Variants in CNOT6 observed in about 807,000 individuals in gnomAD.
The protein encoded by CNOT6 is carbon catabolite repression 4 protein.
Under a neutral mutation model 61.2 loss-of-function variants are expected in CNOT6, and 12 were observed. That is an observed-to-expected ratio of 0.20 (90% CI 0.13 to 0.32). The LOEUF (loss-of-function observed/expected upper bound fraction) is 0.32. Ranked by LOEUF, CNOT6 falls within the 10% of genes least tolerant of loss-of-function variation. The probability of loss-of-function intolerance (pLI) is 1.00; values close to 1 mark genes in which losing one functional copy is unlikely to be tolerated. For synonymous variants in CNOT6, 225 were observed against 240.6 expected (o/e 0.94, Z 0.60); for missense variants, 405 against 663.9 (o/e 0.61, Z 4.28).
intron 1 of CNOT6, among the ~76,000 whole-genome samples, chr5:180,503,750 C>T (rs1013495871): frequency 5.9e-5 from 9 of 151,598 alleles, no homozygotes; most frequent in Non-Finnish European, 5.9e-5. Flanking sequence ...GGACTACAGG[C>T]GTGCGCCACC....
chr5:180,558,275 A>C (rs1320315862), intron 4 of CNOT6, among the ~76,000 whole-genome samples: 1 of 152,130 alleles, frequency 6.6e-6, no homozygotes. Context: ...AGACAGACGC[A>C]TGGGAGGAGA....
intron 3 of CNOT6, among the ~76,000 whole-genome samples, chr5:180,551,053 G>T (rs564569930): frequency 3.3e-5 from 5 of 152,022 alleles, no homozygotes; most frequent in Non-Finnish European, 7.4e-5. Flanking sequence ...TTAAGAAATG[G>T]TAATTGCAGA....
At chr5:180,566,640 C>CTTTT (rs70973940) in intron 7 of CNOT6, among the ~76,000 whole-genome samples, 1 of 75,592 alleles carries the variant, frequency 1.3e-5, no homozygotes, top group Admixed American at 2.0e-4. Context: ...AAAGATGTTA[C>CTTTT]TTTTTTTTTT....
intron 1 of CNOT6, 82 bp from the exon 2 acceptor site, chr5:180,529,192 CG>C: frequency 1.4e-6 from 1 of 735,342 alleles, no homozygotes; most frequent in South Asian, 1.7e-5. Flanking sequence ...AGTCAGACTT[CG>C]TCTCAAAAAA....
chr5:180,500,122 C>A (rs1158940446), intron 1 of CNOT6, among the ~76,000 whole-genome samples: 1 of 149,608 alleles, frequency 6.7e-6, no homozygotes, highest in African/African-American at 2.5e-5. Flanking sequence ...CTTTTTCTTT[C>A]TTTTGCTTTT....
intron 8 of CNOT6, among the ~76,000 whole-genome samples, chr5:180,567,527 A>G (rs1227274242): frequency 6.6e-6 from 1 of 152,254 alleles, no homozygotes; most frequent in Non-Finnish European, 1.5e-5. Context: ...ATGACGGTAC[A>G]GGGATTCTTA....
intron 1 of CNOT6, among the ~76,000 whole-genome samples, chr5:180,500,926 A>C (rs1756842346): frequency 6.6e-6 from 1 of 152,080 alleles, no homozygotes; most frequent in Non-Finnish European, 1.5e-5. Context: ...CTGGATTTTA[A>C]AGGATGGATA....
chr5:180,557,360 A>ACC (rs57114880), intron 4 of CNOT6, among the ~76,000 whole-genome samples: 70,722 of 152,014 alleles, frequency 0.47, 17,487 homozygotes, highest in Non-Finnish European at 0.56. Context: ...TTACATTGTA[A>ACC]AGTGATTCAC....
chr5:180,500,257 T>C (rs1756810580), intron 1 of CNOT6, among the ~76,000 whole-genome samples: 1 of 151,724 alleles, frequency 6.6e-6, no homozygotes, highest in Non-Finnish European at 1.5e-5. Context: ...ATCACAGGTG[T>C]GTGCCACCAC....
chr5:180,577,997 T>C lies in CNOT6; in HGVS notation c.*3797T>C, dbSNP rs1761084609. The C allele has an allele frequency of 6.6e-6, 1 of 152,640 alleles. No homozygotes were observed. The highest frequency in any genetic ancestry group is 1.5e-5 in the Non-Finnish European group (1 of 68,038). 9.5% of individuals were successfully genotyped at this position (152,640 alleles called of 1,614,324 possible). A position where few individuals can be genotyped will look rare whatever the true frequency, so the allele number is the denominator to read the frequency against. The stretch of plus-strand genomic sequence containing the variant: ...ATTTTAGAAGTGTAGTTTGTATAGC[T>C]GTAGTACTGAGGTTTGAGGAAAAAT... On this transcript the variant is annotated 3_prime_UTR_variant, in exon 12 of 12. Coordinates refer to ENST00000261951, the MANE Select transcript of CNOT6 (RefSeq NM_001370472.1).
At chr5:180,553,631 A>G (rs1055866061) in intron 4 of CNOT6, among the ~76,000 whole-genome samples, 160 bp downstream of exon 4, 1 of 152,144 alleles carries the variant, frequency 6.6e-6, no homozygotes, top group Non-Finnish European at 1.5e-5. Context: ...TTCTCTGTTC[A>G]GCTGTAGACT....
chr5:180,536,445 GTAATT>G (rs763622549), intron 2 of CNOT6, among the ~76,000 whole-genome samples: 1 of 151,928 alleles, frequency 6.6e-6, no homozygotes, highest in Non-Finnish European at 1.5e-5. Flanking sequence ...ACTTCTTAAT[GTAATT>G]AAGTCCCATT....
At position 180,578,325 on chromosome 5, in the gene CNOT6, A is replaced by G. The variant is rs1761097281; in HGVS notation, c.*4125A>G. Reference sequence around the variant, plus strand: ...CCGTCTTTTGGAAGGAGGTTGACATATTTTAAATAAATGCTTTTAAATACA... The same window carrying G: ...CCGTCTTTTGGAAGGAGGTTGACATGTTTTAAATAAATGCTTTTAAATACA... On this transcript the variant is annotated 3_prime_UTR_variant, in exon 12 of 12. Coordinates refer to ENST00000261951, the MANE Select transcript of CNOT6 (RefSeq NM_001370472.1). The G allele has an allele frequency of 6.6e-6, 1 of 152,614 alleles. No individual in the cohort carries two copies. The highest frequency in any genetic ancestry group is 2.1e-4 in the South Asian group (1 of 4,826). 9.5% of individuals were successfully genotyped at this position (152,614 alleles called of 1,614,324 possible).
chr5:180,507,351 A>G (rs1339661190), intron 1 of CNOT6, among the ~76,000 whole-genome samples: 3 of 152,182 alleles, frequency 2.0e-5, no homozygotes, highest in Non-Finnish European at 2.9e-5. Context: ...TGTAATCCCA[A>G]CACATTGGGA....
At chr5:180,547,806 C>T (rs1432594661) in intron 2 of CNOT6, among the ~76,000 whole-genome samples, 1 of 152,070 alleles carries the variant, frequency 6.6e-6, no homozygotes, top group Non-Finnish European at 1.5e-5. Flanking sequence ...CCAGCTCAGC[C>T]CACTGCAACC....
chr5:180,574,511 C>T lies in CNOT6; in HGVS notation c.*311C>T, dbSNP rs754670392. On this transcript the variant is annotated 3_prime_UTR_variant, in exon 12 of 12. Transcript: ENST00000261951. ...GCCTGGAAATAGGAAAATGTGTGAA[C>T]AGCGTATTCTCTTCACACAGAAATC... The T allele has an allele frequency of 1.8e-4, 69 of 389,416 alleles. No individual in the cohort carries two copies. The highest frequency in any genetic ancestry group is 2.9e-4 in the Non-Finnish European group (61 of 209,880). 24.1% of individuals were successfully genotyped at this position (389,416 alleles called of 1,614,324 possible).
chr5:180,548,949 G>A (rs1328086078), intron 2 of CNOT6, among the ~76,000 whole-genome samples: 1 of 152,238 alleles, frequency 6.6e-6, no homozygotes, highest in Non-Finnish European at 1.5e-5. Context: ...TTATCAAGAA[G>A]TGTCAAAGTG....
intron 11 of CNOT6, 60 bp downstream of exon 11, chr5:180,571,492 C>G: frequency 8.4e-7 from 1 of 1,192,340 alleles, no homozygotes; most frequent in East Asian, 2.3e-5. Context: ...TGTTCTGATA[C>G]ATCATTATGT....
Position 180,494,407 on chromosome 5 carries a change from T to C in CNOT6, c.-359T>C. ...GGACGGCGGCCGCCGCCATGATGCT[T>C]GTTTGCTTTCAATGAAAACGAGGGG... On this transcript the variant is annotated 5_prime_UTR_variant, in exon 1 of 12. Transcript: ENST00000261951. The C allele has an allele frequency of 6.5e-6, 1 of 152,906 alleles. No individual in the cohort carries two copies. The highest frequency in any genetic ancestry group is 1.8e-4 in the South Asian group (1 of 5,648). The allele number at this position is 152,906 out of a possible 1,614,324, so 9.5% of individuals were successfully genotyped here.
Sources: allele counts gnomAD v4.1 joint callset (sites outside exome capture counted in the v4.1 genomes callset), GRCh38; gene constraint gnomAD v4.1.1; transcripts MANE v1.5; gene names NCBI Gene and HGNC (gene_info 2026-07-23, HGNC 2026-07-21).